RBFOX1: variants seen among roughly 807,000 people sequenced by gnomAD.
RBFOX1 encodes the protein RNA binding fox-1 homolog 1.
Under a neutral mutation model 57.7 loss-of-function variants are expected in RBFOX1, and 8 were observed. The observed-to-expected ratio is 0.14, with a 90% CI of 0.08 to 0.25. RBFOX1 has a LOEUF of 0.25. Ranked by LOEUF, RBFOX1 falls within the 10% of genes least tolerant of loss-of-function variation. The pLI, the probability that RBFOX1 is intolerant of heterozygous loss-of-function variation, is 1.00. For synonymous variants in RBFOX1, 326 were observed against 222.4 expected, an observed-to-expected ratio of 1.47 and a Z score of -4.15; for missense variants, 611 against 548.5, an observed-to-expected ratio of 1.11 and a Z score of -1.14.
chr16:6,696,446 A>G (rs1189376221), intron 3 of RBFOX1, among the ~76,000 whole-genome samples: 2 of 152,228 alleles, frequency 1.3e-5, no homozygotes, highest in Admixed American at 6.5e-5. Flanking sequence ...CCTCTGAAAT[A>G]AATATAATCT....
At chr16:5,574,808 G>C (rs2046400490) in intron 2 of RBFOX1, among the ~76,000 whole-genome samples, 1 of 152,144 alleles carries the variant, frequency 6.6e-6, no homozygotes, top group East Asian at 1.9e-4. Flanking sequence ...ACTCTGGAAA[G>C]GCATTATTTT....
At chr16:5,897,189 C>T (rs1272088963) in intron 4 of RBFOX1, among the ~76,000 whole-genome samples, 1 of 151,914 alleles carries the variant, frequency 6.6e-6, no homozygotes, top group Non-Finnish European at 1.5e-5. Flanking sequence ...GCGCCCGCCA[C>T]CGCGCCCGGC....
At chr16:7,240,808 G>C (rs545903335) in intron 4 of RBFOX1, among the ~76,000 whole-genome samples, 1 of 152,282 alleles carries the variant, frequency 6.6e-6, no homozygotes, top group African/African-American at 2.4e-5. Flanking sequence ...GGACTGAAGC[G>C]ATCCACCTGC....
intron 3 of RBFOX1, among the ~76,000 whole-genome samples, chr16:6,878,528 C>G (rs1436159312): frequency 6.6e-6 from 1 of 152,146 alleles, no homozygotes; most frequent in African/African-American, 2.4e-5. Context: ...ATTCCTGGAC[C>G]TTTTAGATTT....
intron 3 of RBFOX1, among the ~76,000 whole-genome samples, chr16:5,775,396 C>T (rs1047746364): frequency 1.3e-5 from 2 of 152,176 alleles, no homozygotes; most frequent in Non-Finnish European, 2.9e-5. Flanking sequence ...CAGAGGGGGT[C>T]ACTGCGTTGG....
chr16:7,049,833 C>T (rs549755771), intron 3 of RBFOX1, among the ~76,000 whole-genome samples: 2 of 152,214 alleles, frequency 1.3e-5, no homozygotes, highest in South Asian at 4.1e-4. Context: ...ACCTCACCAC[C>T]CACTTCATTT....
Position 6,589,057 on chromosome 16 carries a change from A to G in RBFOX1, c.-63-65546A>G, listed in dbSNP as rs532779801. Among the ~76,000 whole-genome samples, 6 of 152,328 alleles carry G rather than the reference A, an allele frequency of 3.9e-5. No individual in the cohort carries two copies. In the South Asian group the frequency reaches 1.0e-3, roughly 26 times the overall value. On this transcript the variant is annotated intron_variant, in intron 2 of 15. Transcript: ENST00000550418. The stretch of plus-strand genomic sequence containing the variant: ...TTTCAGAATGGGTTATTACACTGAT[A>G]GTAGTGACATGATGCTTTTCTAATT...
chr16:6,735,322 A>C (rs2069872584), intron 3 of RBFOX1, among the ~76,000 whole-genome samples: 1 of 152,216 alleles, frequency 6.6e-6, no homozygotes, highest in Non-Finnish European at 1.5e-5. Context: ...GGAATTACTT[A>C]AACTCTAAAC....
At chr16:6,940,650 T>C (rs984113041) in intron 3 of RBFOX1, among the ~76,000 whole-genome samples, 3 of 152,014 alleles carry the variant, frequency 2.0e-5, no homozygotes, top group African/African-American at 7.3e-5. Flanking sequence ...CAGGCTGGAG[T>C]GGAGCGACGC....
intron 3 of RBFOX1, among the ~76,000 whole-genome samples, chr16:6,918,046 G>A (rs899992366): frequency 1.3e-5 from 2 of 152,128 alleles, no homozygotes; most frequent in Admixed American, 6.5e-5. Flanking sequence ...CAGCACTTTG[G>A]GAGGTCGAGG....
chr16:6,064,984 C>G (rs977626013), intron 1 of RBFOX1, among the ~76,000 whole-genome samples: 1 of 151,660 alleles, frequency 6.6e-6, no homozygotes, highest in African/African-American at 2.4e-5. Context: ...AAAAACCTCC[C>G]TACGTGACTG....
rs1382317993 is a variant in RBFOX1 at position 6,372,981 on chromosome 16, G to A, written c.-64+55924G>A. On this transcript the variant is annotated intron_variant, in intron 2 of 15. Coordinates refer to ENST00000550418, the MANE Select transcript of RBFOX1 (RefSeq NM_018723.4). ...ATTGGGTGGAAGTATAGTCGGATGG[G>A]AGGGTGGTTGGTAAGGATCTTTGGG... 3.3e-5 allele frequency among the ~76,000 whole-genome samples: 5 copies of A among 151,910 alleles called. No homozygotes were observed. In the East Asian group the frequency reaches 9.8e-4, roughly 30 times the overall value.
intron 5 of RBFOX1, among the ~76,000 whole-genome samples, chr16:7,552,952 G>T (rs1275534659): frequency 6.6e-6 from 1 of 151,962 alleles, no homozygotes; most frequent in Non-Finnish European, 1.5e-5. Flanking sequence ...CAAAGCACTG[G>T]GATTACAGGT....
exon 3 of RBFOX1, chr16:5,599,037 G>C (rs527263175): frequency 2.4e-6 from 3 of 1,259,254 alleles, no homozygotes; most frequent in Non-Finnish European, 3.4e-6. Flanking sequence ...TTTGGTCTCC[G>C]TCATCAATCA....
At chr16:7,691,237 A>T (rs942892929) in intron 14 of RBFOX1, among the ~76,000 whole-genome samples, 3 of 152,144 alleles carry the variant, frequency 2.0e-5, no homozygotes, top group African/African-American at 7.2e-5. Flanking sequence ...ATTTGTAGTC[A>T]GAAGTAATCT....
chr16:5,412,462 G>A (rs989884074), intron 1 of RBFOX1, among the ~76,000 whole-genome samples: 2 of 152,164 alleles, frequency 1.3e-5, no homozygotes, highest in African/African-American at 2.4e-5. Context: ...AGGGACTGTG[G>A]ATGCTGGAAT....
chr16:5,828,243 C>G (rs1055135697), intron 3 of RBFOX1, among the ~76,000 whole-genome samples: 3 of 152,144 alleles, frequency 2.0e-5, no homozygotes, highest in African/African-American at 7.2e-5. Flanking sequence ...ACCCACAAAT[C>G]TACCCATCCA....
At chr16:7,128,344 G>C (rs1026374663) in intron 4 of RBFOX1, among the ~76,000 whole-genome samples, 5 of 150,830 alleles carry the variant, frequency 3.3e-5, no homozygotes, top group Admixed American at 1.3e-4. Flanking sequence ...TTACAGAACA[G>C]TTCTGTCACT....
chr16:7,379,734 C>T (rs1344002699), intron 4 of RBFOX1, among the ~76,000 whole-genome samples: 1 of 151,774 alleles, frequency 6.6e-6, no homozygotes, highest in South Asian at 2.1e-4. Context: ...TCCTTCCTTT[C>T]TGCCTGCCTG....
Sources: allele counts gnomAD v4.1 joint callset (sites outside exome capture counted in the v4.1 genomes callset), GRCh38; gene constraint gnomAD v4.1.1; transcripts MANE v1.5; gene names NCBI Gene and HGNC (gene_info 2026-07-23, HGNC 2026-07-21).